The following CCDC66 variants were observed in gnomAD, a reference collection of about 807,000 sequenced individuals.
CCDC66 encodes the protein coiled-coil domain containing 66.
A neutral mutation model predicts 128.3 loss-of-function variants in CCDC66; 133 were observed. That is an observed-to-expected ratio of 1.04 (90% CI 0.90 to 1.20). CCDC66 has a LOEUF of 1.20. Ranked by LOEUF, CCDC66 falls within the 50% of genes most tolerant of loss-of-function variation. The probability of loss-of-function intolerance (pLI) is 0.00; values close to 1 mark genes in which losing one functional copy is unlikely to be tolerated. For synonymous variants in CCDC66, 387 were observed against 357.0 expected, an observed-to-expected ratio of 1.08 and a Z score of -0.95; for missense variants, 1,126 against 1,075.5, an observed-to-expected ratio of 1.05 and a Z score of -0.66.
Position 56,566,634 on chromosome 3 carries a change from A to G in CCDC66, c.585A>G (p.Pro195=). Reference sequence around the variant, plus strand: ...ATTTAAACAGTATTTCTAATCAGCCAAAGGATGAGAACATTATGGGATTAT... The same window carrying G: ...ATTTAAACAGTATTTCTAATCAGCCGAAGGATGAGAACATTATGGGATTAT... ...SLYLNSISNQ[P]KDENIMGLFK... is the part of the protein sequence containing the mutation. Residue 195 remains proline, a synonymous_variant, in exon 5 of 18, where the codon CCA becomes CCG. Transcript: ENST00000394672. 6.3e-7 allele frequency: 1 copy of G among 1,596,248 alleles called. No homozygotes were observed. The highest frequency in any genetic ancestry group is 8.6e-7 in the Non-Finnish European group (1 of 1,164,024).
chr3:56,585,009 G>GC (rs2069371972), intron 7 of CCDC66, among the ~76,000 whole-genome samples: 1 of 151,562 alleles, frequency 6.6e-6, no homozygotes, highest in African/African-American at 2.4e-5. Flanking sequence ...GGAGAATCAG[G>GC]CAGGGAGGTT....
intron 17 of CCDC66, chr3:56,620,315 A>G (rs2107473078): frequency 6.5e-6 from 1 of 154,956 alleles, no homozygotes; most frequent in African/African-American, 2.4e-5. Flanking sequence ...CCCAAATAGT[A>G]ATAAATTCAG....
intron 10 of CCDC66, among the ~76,000 whole-genome samples, chr3:56,612,076 C>G (rs2074912542): frequency 6.6e-6 from 1 of 152,224 alleles, no homozygotes; most frequent in African/African-American, 2.4e-5. Flanking sequence ...CAATCTAGTC[C>G]TGCCTCCCAT....
At chr3:56,583,557 C>G (rs184086605) in intron 7 of CCDC66, among the ~76,000 whole-genome samples, 1 of 151,596 alleles carries the variant, frequency 6.6e-6, no homozygotes, top group African/African-American at 2.4e-5. Context: ...TTGCACCGCC[C>G]TTAATCCATT....
At chr3:56,584,498 G>A (rs188035237) in intron 7 of CCDC66, among the ~76,000 whole-genome samples, 164 of 149,254 alleles carry the variant, frequency 1.1e-3, no homozygotes, top group Middle Eastern at 3.4e-3. Context: ...CAGACGGGGC[G>A]GCAGGGCAGA....
chr3:56,577,661 T>C (rs2067615859), intron 7 of CCDC66, among the ~76,000 whole-genome samples: 1 of 151,902 alleles, frequency 6.6e-6, no homozygotes, highest in African/African-American at 2.4e-5. Context: ...CCCAACACCA[T>C]TTATGAAGTA....
At chr3:56,619,229 TAA>T in intron 15 of CCDC66, 40 bp from the exon 16 acceptor site, 4 of 1,415,958 alleles carry the variant, frequency 2.8e-6, no homozygotes, top group Non-Finnish European at 3.8e-6. Context: ...GAGATATACT[TAA>T]TCTAAATACA....
chr3:56,570,304 ATC>A (rs1370968385), intron 6 of CCDC66: 1 of 152,180 alleles, frequency 6.6e-6, no homozygotes, highest in Non-Finnish European at 1.5e-5. Flanking sequence ...TTTTGACTAT[ATC>A]TCTCAGACAC....
intron 10 of CCDC66, among the ~76,000 whole-genome samples, chr3:56,606,192 T>A (rs1324988804): frequency 6.6e-6 from 1 of 152,014 alleles, no homozygotes; most frequent in Non-Finnish European, 1.5e-5. Context: ...AGTCAGTGGA[T>A]CATAGCTTGC....
intron 7 of CCDC66, among the ~76,000 whole-genome samples, 165 bp from the exon 8 acceptor site, chr3:56,592,805 A>G (rs564219339): frequency 1.3e-5 from 2 of 152,284 alleles, no homozygotes; most frequent in African/African-American, 4.8e-5. Context: ...ATCAGAATAT[A>G]TCTACTTAAT....
intron 10 of CCDC66, among the ~76,000 whole-genome samples, chr3:56,602,077 C>G (rs1305470130): frequency 6.6e-6 from 1 of 152,036 alleles, no homozygotes; most frequent in Non-Finnish European, 1.5e-5. Context: ...CCAGTTTTTG[C>G]CCATTCAGTA....
chr3:56,591,791 T>A (rs1369802923), intron 7 of CCDC66, among the ~76,000 whole-genome samples: 2 of 152,204 alleles, frequency 1.3e-5, no homozygotes, highest in African/African-American at 2.4e-5. Flanking sequence ...TTTCTTCTGA[T>A]CAAAACAGTG....
At chr3:56,583,746 A>C in intron 7 of CCDC66, among the ~76,000 whole-genome samples, 1 of 151,526 alleles carries the variant, frequency 6.6e-6, no homozygotes, top group Non-Finnish European at 1.5e-5. Flanking sequence ...TTTTCCCCAC[A>C]TTTCCCCCTT....
rs559703974 is a variant in CCDC66 at position 56,619,254 on chromosome 3, A to T, written c.2379-17A>T. On this transcript the variant is annotated splice_polypyrimidine_tract_variant and intron_variant, in intron 15 of 17. Transcript: ENST00000394672. ...TAATCTAAATACACAATTTTTTACT[A>T]TTTTTTTTTTAAATAGGTCTCCATC... 2.0e-5 allele frequency: 29 copies of T among 1,435,332 alleles called. No homozygotes were observed. The highest frequency in any genetic ancestry group is 7.3e-5 in the African/African-American group (5 of 68,500). 88.9% of individuals were successfully genotyped at this position (1,435,332 alleles called of 1,614,324 possible).
chr3:56,558,000 AC>A, intron 1 of CCDC66: 1 of 152,234 alleles, frequency 6.6e-6, no homozygotes, highest in East Asian at 1.9e-4. Context: ...GTGACGTTTC[AC>A]CAACATAAAC....
chr3:56,582,546 T>A (rs1205366882), intron 7 of CCDC66, among the ~76,000 whole-genome samples: 1 of 151,470 alleles, frequency 6.6e-6, no homozygotes, highest in East Asian at 2.0e-4. Context: ...GGAATTTTTT[T>A]AAATACCCTT....
chr3:56,583,928 C>T (rs1459179628), intron 7 of CCDC66, among the ~76,000 whole-genome samples: 2 of 85,572 alleles, frequency 2.3e-5, no homozygotes, highest in Admixed American at 1.6e-4. Context: ...GCGGGGGCTG[C>T]CCCCCACCTC....
intron 6 of CCDC66, among the ~76,000 whole-genome samples, chr3:56,567,465 G>A (rs1044702925): frequency 6.6e-6 from 1 of 152,190 alleles, no homozygotes; most frequent in East Asian, 1.9e-4. Context: ...TTGCCCTCTG[G>A]AGGTTTTCTG....
intron 10 of CCDC66, among the ~76,000 whole-genome samples, chr3:56,603,702 C>G (rs1485785529): frequency 6.6e-6 from 1 of 151,858 alleles, no homozygotes; most frequent in Non-Finnish European, 1.5e-5. Context: ...TGTTTTACTT[C>G]CAATTGTGTG....
Sources: allele counts gnomAD v4.1 joint callset (sites outside exome capture counted in the v4.1 genomes callset), GRCh38; gene constraint gnomAD v4.1.1; transcripts MANE v1.5; gene names NCBI Gene and HGNC (gene_info 2026-07-23, HGNC 2026-07-21).